Variants in ARHGEF10 observed in about 807,000 individuals in gnomAD.
ARHGEF10 encodes Rho guanine nucleotide exchange factor (GEF) 10.
Under a neutral mutation model 147.4 loss-of-function variants are expected in ARHGEF10, and 140 were observed. The ratio of observed to expected loss-of-function variants is 0.95; its 90% CI spans 0.83 to 1.09. The LOEUF (loss-of-function observed/expected upper bound fraction) is 1.09. ARHGEF10 is among the 50% of genes least tolerant of loss of function. ARHGEF10 has a pLI of 0.00. For synonymous variants in ARHGEF10, 902 were observed against 695.8 expected (o/e 1.30, Z -4.67); for missense variants, 2,222 against 1,752.7 (o/e 1.27, Z -4.78).
chr8:1,856,427 T>C (rs1202212874), intron 2 of ARHGEF10, among the ~76,000 whole-genome samples: 1 of 152,194 alleles, frequency 6.6e-6, no homozygotes, highest in African/African-American at 2.4e-5. Flanking sequence ...TGTGTATTTG[T>C]GGTGACCTAA....
intron 1 of ARHGEF10, among the ~76,000 whole-genome samples, chr8:1,840,103 A>G (rs1239787484): frequency 3.5e-5 from 3 of 86,382 alleles, no homozygotes; most frequent in Admixed American, 1.1e-4. Flanking sequence ...TCCGGTGTGG[A>G]ATCTGTCCGG....
In ARHGEF10 at chr8:1,937,245, G is replaced by C. The variant is rs1257161529; in HGVS notation, c.3222+3303G>C. On this transcript the variant is annotated intron_variant, in intron 26 of 28. Coordinates refer to ENST00000349830, the MANE Select transcript of ARHGEF10 (RefSeq NM_014629.4). The surrounding 1 kb of genome is among the most constrained non-coding windows in gnomAD (Gnocchi z 4.9). ...AATGAGAAGCCTTCAGTTTCGTGGGGAGCCAGGGATTAGCTAGTGCGGCCA... is the reference window on the plus strand; with the variant it reads ...AATGAGAAGCCTTCAGTTTCGTGGGCAGCCAGGGATTAGCTAGTGCGGCCA... 4.6e-5 allele frequency among the ~76,000 whole-genome samples: 7 copies of C among 152,170 alleles called. No homozygotes were observed. Among genetic ancestry groups the C allele is most frequent in the Non-Finnish European group, 1.0e-4 (7 of 68,034 alleles).
At chr8:1,855,000 G>T (rs1432635804) in intron 2 of ARHGEF10, among the ~76,000 whole-genome samples, 1 of 152,144 alleles carries the variant, frequency 6.6e-6, no homozygotes, top group African/African-American at 2.4e-5. Context: ...GGGAGGGAGT[G>T]GAGGGGCCTC....
In ARHGEF10 at chr8:1,957,322, C is replaced by G. The variant is rs879207057; in HGVS notation, c.*59C>G. 6.4e-7 allele frequency: 1 copy of G among 1,572,124 alleles called. No individual in the cohort carries two copies. The highest frequency in any genetic ancestry group is 1.8e-5 in the Admixed American group (1 of 55,044). On this transcript the variant is annotated 3_prime_UTR_variant, in exon 29 of 29. Coordinates refer to ENST00000349830, the MANE Select transcript of ARHGEF10 (RefSeq NM_014629.4). ...AATCAAGGGTGACTTCTCAGCTAAT[C>G]CTACAGCCTGAGTGGTTAAGCTGTG...
chr8:1,944,940 G>C (rs1814444864), intron 26 of ARHGEF10, among the ~76,000 whole-genome samples: 1 of 152,256 alleles, frequency 6.6e-6, no homozygotes, highest in African/African-American at 2.4e-5. Context: ...CTCAGAGCAG[G>C]CCGCTGGGAT....
In ARHGEF10 at chr8:1,888,046, T is replaced by G. The variant is rs112349008; in HGVS notation, c.1182+2339T>G. Among the ~76,000 whole-genome samples, 578 of 108,218 alleles carry G rather than the reference T, an allele frequency of 5.3e-3. 1 individual carries two copies. The highest frequency in any genetic ancestry group is 0.018 in the Middle Eastern group (2 of 114). 71.0% of individuals were successfully genotyped at this position (108,218 alleles called of 152,430 possible). A position where few individuals can be genotyped will look rare whatever the true frequency, so the allele number is the denominator to read the frequency against. On this transcript the variant is annotated intron_variant, in intron 11 of 28. Transcript: ENST00000349830. ...AGGCACTGAGTAGGGTGAGGGTTGTTAGGAGACAGTGAGTGGGATGAGGGT... is the reference window on the plus strand; with the variant it reads ...AGGCACTGAGTAGGGTGAGGGTTGTGAGGAGACAGTGAGTGGGATGAGGGT...
intron 7 of ARHGEF10, chr8:1,876,152 G>A (rs1459687129): frequency 4.3e-5 from 10 of 232,326 alleles, no homozygotes; most frequent in East Asian, 1.0e-4. Context: ...ATAATCCACC[G>A]TCCATCGACA....
chr8:1,915,026 C>T (rs749005379), intron 18 of ARHGEF10, among the ~76,000 whole-genome samples: 1 of 152,172 alleles, frequency 6.6e-6, no homozygotes, highest in African/African-American at 2.4e-5. Context: ...TGCAGCTGCT[C>T]ATTACTGTGA....
intron 3 of ARHGEF10, 27 bp from the exon 4 acceptor site, chr8:1,859,870 G>C: frequency 6.2e-7 from 1 of 1,613,550 alleles, no homozygotes. Context: ...TGATGTGTCT[G>C]CTGACAAGTC....
intron 25 of ARHGEF10, among the ~76,000 whole-genome samples, chr8:1,931,190 G>A (rs1345823670): frequency 6.6e-6 from 1 of 152,246 alleles, no homozygotes; most frequent in South Asian, 2.1e-4. Flanking sequence ...CCTCCCTGCT[G>A]CCTGTGTTCC....
chr8:1,861,707 C>A (rs1454001371), intron 4 of ARHGEF10, among the ~76,000 whole-genome samples: 1 of 152,152 alleles, frequency 6.6e-6, no homozygotes, highest in Non-Finnish European at 1.5e-5. Flanking sequence ...AGACGGCCTC[C>A]TGTGCGTTTT....
At position 1,867,354 on chromosome 8, in the gene ARHGEF10, G is replaced by A. The variant is rs77940292; in HGVS notation, c.622+752G>A. ...TGACAAAAACACAATTTTTGGTCAC[G>A]TGAATGATTCGTGTTTAGATTTCAA... On this transcript the variant is annotated intron_variant, in intron 6 of 28. Coordinates refer to ENST00000349830, the MANE Select transcript of ARHGEF10 (RefSeq NM_014629.4). Among the ~76,000 whole-genome samples the A allele has an allele frequency of 5.7e-3, 873 of 152,264 alleles. 58 individuals carry two copies. In the East Asian group the frequency reaches 0.14, roughly 24 times the overall value.
At chr8:1,913,247 G>T (rs781238703) in intron 18 of ARHGEF10, among the ~76,000 whole-genome samples, 7 of 152,242 alleles carry the variant, frequency 4.6e-5, no homozygotes, top group Middle Eastern at 3.4e-3. Flanking sequence ...TGTTTCAGAA[G>T]AATGGCCACT....
chr8:1,863,514 G>T (rs987535354), intron 4 of ARHGEF10, among the ~76,000 whole-genome samples: 1 of 152,216 alleles, frequency 6.6e-6, no homozygotes, highest in Non-Finnish European at 1.5e-5. Context: ...AGCAGCAGCC[G>T]CTGAGTGCTG....
At position 1,928,619 on chromosome 8, in the gene ARHGEF10, C is replaced by T. The variant is rs370807109; in HGVS notation, c.2890C>T (p.Pro964Ser). Residue 964 changes from proline to serine, a missense_variant, in exon 24 of 29, where the codon CCC becomes TCC. Pro to Ser is a moderately conservative substitution (Grantham distance 74). Coordinates refer to ENST00000349830, the MANE Select transcript of ARHGEF10 (RefSeq NM_014629.4). ...ETPAVRASDV[P>S]TICVGTEEGS... ...CCCGGCCGTGAGAGCTTCTGATGTC[C>T]CCACGATCTGTGTAGGGACGGAGGA... The T allele has an allele frequency of 1.4e-5, 23 of 1,614,052 alleles. No homozygotes were observed. Among genetic ancestry groups the T allele is most frequent in the South Asian group, 4.4e-5 (4 of 91,086 alleles).
At chr8:1,923,282 T>A in intron 19 of ARHGEF10, 186 bp from the exon 20 acceptor site, 4 of 976,876 alleles carry the variant, frequency 4.1e-6, no homozygotes, top group Non-Finnish European at 6.2e-6. Flanking sequence ...GGGTTTAATA[T>A]CAGTTCTATC....
chr8:1,955,221 G>A (rs1214926922), intron 28 of ARHGEF10, among the ~76,000 whole-genome samples: 1 of 149,924 alleles, frequency 6.7e-6, no homozygotes, highest in East Asian at 1.9e-4. Flanking sequence ...GGTGCTTCCT[G>A]AAAGGAGGTG....
chr8:1,865,690 T>C (rs1476866774), intron 5 of ARHGEF10, among the ~76,000 whole-genome samples: 1 of 151,028 alleles, frequency 6.6e-6, no homozygotes, highest in East Asian at 2.0e-4. Context: ...GAAGTCGTCA[T>C]CGTGGGGTGC....
chr8:1,955,643 G>C (rs1224293826), intron 28 of ARHGEF10, among the ~76,000 whole-genome samples: 1 of 152,150 alleles, frequency 6.6e-6, no homozygotes, highest in Non-Finnish European at 1.5e-5. Flanking sequence ...CCTGAAAGGA[G>C]GTGCACTCTC....
Sources: gnomAD v4.1 joint callset for allele counts (sites outside exome capture counted in the v4.1 genomes callset) on GRCh38, gnomAD v4.1.1 for gene constraint, Gnocchi (gnomAD v3.1) non-coding constraint, MANE v1.5 for transcripts, NCBI Gene and HGNC (gene_info 2026-07-23, HGNC 2026-07-21) for gene names.